The following TMEM132B variants were observed in gnomAD, a reference collection of about 807,000 sequenced individuals.
The protein encoded by TMEM132B is transmembrane protein 132B.
TMEM132B carries 18 observed loss-of-function variants against 90.8 expected under a neutral mutation model. The observed-to-expected ratio is 0.20, with a 90% confidence interval of 0.14 to 0.29. The LOEUF (loss-of-function observed/expected upper bound fraction) is 0.29, where lower values mean the gene tolerates loss of function less well. TMEM132B is among the 10% of genes least tolerant of loss of function. The probability of loss-of-function intolerance (pLI) is 1.00; values close to 1 mark genes in which losing one functional copy is unlikely to be tolerated. For missense variants in TMEM132B, 1,096 were observed against 1,326.8 expected, an observed-to-expected ratio of 0.83 and a Z score of 2.70; for synonymous variants, 504 against 523.3, an observed-to-expected ratio of 0.96 and a Z score of 0.50.
intron 1 of TMEM132B, among the ~76,000 whole-genome samples, chr12:125,265,941 A>C (rs1284389523): frequency 3.3e-5 from 5 of 151,962 alleles, no homozygotes; most frequent in Admixed American, 3.3e-4. Flanking sequence ...ATTAAAAAAA[A>C]CCCCAGGCCA....
At chr12:125,382,312 C>A (rs1003156501) in intron 2 of TMEM132B, among the ~76,000 whole-genome samples, 13 of 152,170 alleles carry the variant, frequency 8.5e-5, no homozygotes, top group African/African-American at 2.9e-4. Flanking sequence ...GTAGCATCTC[C>A]ATTTTTCTAG....
chr12:125,227,105 G>A (rs144201444), intron 1 of TMEM132B, among the ~76,000 whole-genome samples: 2 of 152,158 alleles, frequency 1.3e-5, no homozygotes, highest in Non-Finnish European at 2.9e-5. Flanking sequence ...CCTTGGGGTG[G>A]GTTCACTCCA....
rs1027621826 is a variant in TMEM132B, at chr12:125,656,427, C to T, written c.*1717C>T. The T allele has an allele frequency of 2.0e-5, 3 of 152,246 alleles. No homozygotes were observed. The highest frequency in any genetic ancestry group is 4.4e-5 in the Non-Finnish European group (3 of 68,098). 9.4% of individuals were successfully genotyped at this position (152,246 alleles called of 1,614,324 possible). On this transcript the variant is annotated 3_prime_UTR_variant, in exon 9 of 9. Transcript: ENST00000682704. ...ACAACCCCGCCTCCTCTAGCCATGA[C>T]GTGGCAGCCAAAAAGTTCTTCCTGT...
At chr12:125,627,325 G>T (rs1057228310) in intron 5 of TMEM132B, among the ~76,000 whole-genome samples, 1 of 151,792 alleles carries the variant, frequency 6.6e-6, no homozygotes, top group Non-Finnish European at 1.5e-5. Flanking sequence ...CTCCCTGGGG[G>T]TGTGTTTTGT....
rs71460715 is a variant in TMEM132B at position 125,595,523 on chromosome 12, G to C, written c.1437+11529G>C. ...TGCTCAGCACCTAAGCTCTTCACAT[G>C]TATCAGTTCATATATTAGGTTGGTG... On this transcript the variant is annotated intron_variant, in intron 5 of 8. Transcript: ENST00000682704. Among the ~76,000 whole-genome samples, 788 of 152,272 alleles carry C rather than the reference G, an allele frequency of 5.2e-3. 4 individuals carry two copies. Among genetic ancestry groups the C allele is most frequent in the Non-Finnish European group, 8.6e-3 (582 of 68,030 alleles).
intron 3 of TMEM132B, among the ~76,000 whole-genome samples, chr12:125,435,556 C>T (rs1278925926): frequency 6.6e-6 from 1 of 152,212 alleles, no homozygotes; most frequent in Admixed American, 6.5e-5. Flanking sequence ...CTCCCAAGAG[C>T]CAGGCACTAG....
At chr12:125,342,709 C>T (rs1293978247) in intron 1 of TMEM132B, among the ~76,000 whole-genome samples, 1 of 152,182 alleles carries the variant, frequency 6.6e-6, no homozygotes, top group Non-Finnish European at 1.5e-5. Flanking sequence ...TGCCTCATAT[C>T]TGCTTCCTGT....
In TMEM132B at chr12:125,458,465, CA is replaced by C. The variant is rs994989325; in HGVS notation, c.1106+42789del. On this transcript the variant is annotated intron_variant, in intron 3 of 8. Coordinates refer to ENST00000682704, the MANE Select transcript of TMEM132B (RefSeq NM_001366854.1). This position sits in a 1 kb window ranked among gnomAD's most constrained non-coding sequence, Gnocchi z 4.9. ...AAGGAAACAAACCAGGCTGGGACCC[CA>C]GGCGACCAGCAGGGGTCATTTGGTT... Among the ~76,000 whole-genome samples, 1 of 152,150 alleles carries C rather than the reference CA, an allele frequency of 6.6e-6. No homozygotes were observed. The highest frequency in any genetic ancestry group is 1.5e-5 in the Non-Finnish European group (1 of 68,018).
rs114629824 is a variant in TMEM132B at position 125,653,165 on chromosome 12, C to T, written c.2107-400C>T. 6.2e-3 allele frequency among the ~76,000 whole-genome samples: 947 copies of T among 152,346 alleles called. 12 individuals carry two copies. The highest frequency in any genetic ancestry group is 0.022 in the African/African-American group (895 of 41,586). On this transcript the variant is annotated intron_variant, in intron 8 of 8. Transcript: ENST00000682704. Reference sequence around the variant, plus strand: ...GTCCTTCCAGCCAGTGCATGTTTTGCTCCATCACCACTGGCTTCTTAATGA... The same window carrying T: ...GTCCTTCCAGCCAGTGCATGTTTTGTTCCATCACCACTGGCTTCTTAATGA...
At chr12:125,362,281 A>G (rs1182676954) in intron 2 of TMEM132B, among the ~76,000 whole-genome samples, 3 of 152,210 alleles carry the variant, frequency 2.0e-5, no homozygotes, top group African/African-American at 7.2e-5. Flanking sequence ...ACAAGGCTCT[A>G]TCACACCCTG....
chr12:125,222,588 A>C (rs1873585306), intron 1 of TMEM132B, among the ~76,000 whole-genome samples: 1 of 152,226 alleles, frequency 6.6e-6, no homozygotes, highest in African/African-American at 2.4e-5. Context: ...CCAAACATGA[A>C]AATACTTGCC....
At chr12:125,284,484 T>TC (rs1256539623) in intron 1 of TMEM132B, among the ~76,000 whole-genome samples, 6 of 152,132 alleles carry the variant, frequency 3.9e-5, no homozygotes, top group South Asian at 2.1e-4. Flanking sequence ...TCTCTCTTCC[T>TC]CCCCCCTGCT....
chr12:125,357,187 A>C (rs1286012867), intron 2 of TMEM132B, among the ~76,000 whole-genome samples: 1 of 152,248 alleles, frequency 6.6e-6, no homozygotes, highest in African/African-American at 2.4e-5. Flanking sequence ...TCATGATATA[A>C]ATAAGTAACA....
intron 5 of TMEM132B, among the ~76,000 whole-genome samples, chr12:125,620,917 T>C (rs1593026908): frequency 6.6e-6 from 1 of 152,196 alleles, no homozygotes; most frequent in Non-Finnish European, 1.5e-5. Context: ...GTGGGGATTA[T>C]GGGAACTACA....
At chr12:125,257,145 C>T (rs930557321) in intron 1 of TMEM132B, among the ~76,000 whole-genome samples, 1 of 152,072 alleles carries the variant, frequency 6.6e-6, no homozygotes, top group Non-Finnish European at 1.5e-5. Context: ...GACTCCAACT[C>T]TCAGAAACAA....
chr12:125,393,693 C>T (rs781445978), intron 2 of TMEM132B, among the ~76,000 whole-genome samples: 7 of 152,044 alleles, frequency 4.6e-5, no homozygotes, highest in Non-Finnish European at 8.8e-5. Flanking sequence ...AAGATGGAGG[C>T]GCAGTCAAGG....
chr12:125,565,076 T>C (rs987759441), intron 4 of TMEM132B, among the ~76,000 whole-genome samples: 14 of 152,310 alleles, frequency 9.2e-5, no homozygotes, highest in Admixed American at 5.2e-4. Flanking sequence ...CCTTAATTAA[T>C]ACTCCTGACT....
chr12:125,650,943 C>A lies in TMEM132B; in HGVS notation c.1904C>A (p.Thr635Asn), dbSNP rs1886898292. The A allele has an allele frequency of 6.2e-7, 1 of 1,612,350 alleles. No homozygotes were observed. The highest frequency in any genetic ancestry group is 8.5e-7 in the Non-Finnish European group (1 of 1,179,904). The change falls in exon 7 of 9, where the codon ACC becomes AAC. Residue 635 changes from threonine (T) to asparagine (N), a missense_variant. By Grantham distance (65) the Thr-to-Asn change is moderately conservative. Transcript: ENST00000682704. ...RTLAGREPGI[T>N]TVQVLSPLSD... Reference sequence around the variant, plus strand: ...CTGGCTGGTCGGGAGCCGGGAATAACCACGGTGCAGGTACACGCCGCCATG... The same window carrying A: ...CTGGCTGGTCGGGAGCCGGGAATAAACACGGTGCAGGTACACGCCGCCATG...
At chr12:125,501,654 G>A (rs1317637455) in intron 3 of TMEM132B, among the ~76,000 whole-genome samples, 1 of 152,100 alleles carries the variant, frequency 6.6e-6, no homozygotes, top group African/African-American at 2.4e-5. Flanking sequence ...GTTAAATTAG[G>A]TCCCAATTTT....
Sources: allele counts gnomAD v4.1 joint callset (sites outside exome capture counted in the v4.1 genomes callset), GRCh38; gene constraint gnomAD v4.1.1; non-coding constraint Gnocchi (gnomAD v3.1); transcripts MANE v1.5; gene names NCBI Gene and HGNC (gene_info 2026-07-23, HGNC 2026-07-21).